The following NBEA variants were observed in gnomAD, a reference collection of about 807,000 sequenced individuals.
The protein encoded by NBEA is neurobeachin.
In NBEA, 44 loss-of-function variants were observed where a neutral mutation model predicts 343.4. The observed-to-expected ratio is 0.13, with a 90% CI of 0.10 to 0.16. The LOEUF (loss-of-function observed/expected upper bound fraction) is 0.16. Ranked by LOEUF, NBEA falls within the 10% of genes least tolerant of loss-of-function variation. The pLI, the probability that NBEA is intolerant of heterozygous loss-of-function variation, is 1.00. For synonymous variants in NBEA, 1,175 were observed against 1,238.7 expected (o/e 0.95, Z 1.08); for missense variants, 2,555 against 3,631.3 (o/e 0.70, Z 7.62).
At chr13:35,108,084 G>A (rs937800877) in intron 11 of NBEA, among the ~76,000 whole-genome samples, 1 of 152,010 alleles carries the variant, frequency 6.6e-6, no homozygotes, top group African/African-American at 2.4e-5. Flanking sequence ...AAATCATATG[G>A]GAGGTAAAAT....
At chr13:35,364,777 G>A (rs1325328354) in intron 38 of NBEA, among the ~76,000 whole-genome samples, 2 of 151,808 alleles carry the variant, frequency 1.3e-5, no homozygotes, top group Admixed American at 6.6e-5. Context: ...CTGTGAGGCT[G>A]ACAGATAATC....
chr13:35,237,879 T>C (rs1224380570), intron 34 of NBEA, among the ~76,000 whole-genome samples: 1 of 152,178 alleles, frequency 6.6e-6, no homozygotes, highest in East Asian at 1.9e-4. Flanking sequence ...GTCGGTGTCC[T>C]TTCATTTTCT....
chr13:35,355,049 A>C, intron 38 of NBEA, among the ~76,000 whole-genome samples: 1 of 152,064 alleles, frequency 6.6e-6, no homozygotes, highest in East Asian at 1.9e-4. Flanking sequence ...TCTGTCCTTG[A>C]CTACTGTTTA....
chr13:35,222,842 C>G (rs898683307), intron 33 of NBEA, among the ~76,000 whole-genome samples: 4 of 152,096 alleles, frequency 2.6e-5, no homozygotes, highest in Non-Finnish European at 4.4e-5. Flanking sequence ...AACGAAGAAA[C>G]AGTAGGCCGG....
intron 51 of NBEA, among the ~76,000 whole-genome samples, chr13:35,647,226 A>AT (rs1040505170): frequency 6.6e-6 from 1 of 152,096 alleles, no homozygotes. Flanking sequence ...TTTCTTTAGA[A>AT]TTTTTTTTAA....
At chr13:35,637,714 C>T (rs924713410) in intron 49 of NBEA, among the ~76,000 whole-genome samples, 21 of 151,490 alleles carry the variant, frequency 1.4e-4, no homozygotes, top group South Asian at 6.3e-4. Flanking sequence ...CCCAGCTACT[C>T]GGGAGGCTGA....
At chr13:35,352,358 A>G (rs764672815) in intron 38 of NBEA, 35 bp downstream of exon 38, 39 of 1,247,526 alleles carry the variant, frequency 3.1e-5, no homozygotes, top group East Asian at 2.8e-4. Flanking sequence ...ATAATAATTC[A>G]TAGGTTAATT....
intron 44 of NBEA, among the ~76,000 whole-genome samples, chr13:35,563,411 G>A (rs1027567719): frequency 6.6e-6 from 1 of 151,648 alleles, no homozygotes. Flanking sequence ...AAGGTGTTCA[G>A]TAAAATAATT....
rs1345636080 is a variant in NBEA at position 35,085,797 on chromosome 13, C to G, written c.1572-12500C>G. ...AGGAAAAGAGAAAGTCAAATTGTCC[C>G]TGTTTGCAGATGACATGATTGTATA... On this transcript the variant is annotated intron_variant, in intron 10 of 58. Coordinates refer to ENST00000379939, the MANE Select transcript of NBEA (RefSeq NM_001385012.1). Among the ~76,000 whole-genome samples the G allele has an allele frequency of 3.3e-5, 5 of 152,096 alleles. No homozygotes were observed. The East Asian group carries it at 9.7e-4, about 29-fold the overall frequency.
intron 34 of NBEA, among the ~76,000 whole-genome samples, chr13:35,272,740 A>G (rs1436959643): frequency 1.3e-5 from 2 of 152,178 alleles, no homozygotes; most frequent in African/African-American, 2.4e-5. Context: ...TAAACCAACA[A>G]AGATCAAAAG....
At chr13:35,102,415 A>G (rs2065689879) in intron 11 of NBEA, among the ~76,000 whole-genome samples, 1 of 151,224 alleles carries the variant, frequency 6.6e-6, no homozygotes, top group Non-Finnish European at 1.5e-5. Context: ...TTCCATTTCC[A>G]TATATATATA....
Position 35,655,688 on chromosome 13 carries a change from C to T in NBEA, c.8301C>T (p.Ala2767=), listed in dbSNP as rs1181892290. The T allele has an allele frequency of 6.2e-7, 1 of 1,613,788 alleles. No individual in the cohort carries two copies. Among genetic ancestry groups the T allele is most frequent in the East Asian group, 2.2e-5 (1 of 44,890 alleles). The change falls in exon 55 of 59, where the codon GCC becomes GCT. Residue 2767 remains alanine, a synonymous_variant. Coordinates refer to ENST00000379939, the MANE Select transcript of NBEA (RefSeq NM_001385012.1). The part of the protein sequence containing the change: ...DCYIVSGSRD[A]TLLLWYWSGR... ...ACATCGTGTCCGGATCTCGAGATGC[C>T]ACCCTGCTGCTCTGGTACTGGAGTG...
chr13:35,670,889 C>T lies in NBEA; in HGVS notation c.8814-12C>T. 1 of 1,571,496 alleles carries T rather than the reference C, an allele frequency of 6.4e-7. No homozygotes were observed. The highest frequency in any genetic ancestry group is 8.7e-7 in the Non-Finnish European group (1 of 1,151,776). ...TTTATATCACTCTTAACTGCTGTTT[C>T]TGCTTTTCCAGGACTCTGATCACTG... On this transcript the variant is annotated splice_polypyrimidine_tract_variant and intron_variant, in intron 58 of 58. Coordinates refer to ENST00000379939, the MANE Select transcript of NBEA (RefSeq NM_001385012.1).
At chr13:35,099,063 T>G (rs1052568306) in intron 11 of NBEA, among the ~76,000 whole-genome samples, 7 of 149,776 alleles carry the variant, frequency 4.7e-5, no homozygotes, top group African/African-American at 1.7e-4. Context: ...TCTCACTCTG[T>G]CTCCCACAGT....
chr13:35,293,570 G>A (rs1320144803), intron 35 of NBEA, among the ~76,000 whole-genome samples: 3 of 151,886 alleles, frequency 2.0e-5, no homozygotes, highest in Admixed American at 6.6e-5. Context: ...TATATCACAG[G>A]TCTGATACTA....
chr13:35,090,587 G>A (rs1226869303), intron 10 of NBEA, among the ~76,000 whole-genome samples: 2 of 151,836 alleles, frequency 1.3e-5, no homozygotes, highest in African/African-American at 4.8e-5. Flanking sequence ...GACTTTAACT[G>A]ATGTGATGCT....
At chr13:35,111,394 A>AT (rs552083481) in intron 13 of NBEA, among the ~76,000 whole-genome samples, 130 of 149,566 alleles carry the variant, frequency 8.7e-4, no homozygotes, top group African/African-American at 1.6e-3. Context: ...CTTCACTGTG[A>AT]TTTTTTTTTT....
rs113851226 is a variant in NBEA at position 35,053,852 on chromosome 13, A to G, written c.973-2158A>G. Among the ~76,000 whole-genome samples the G allele has an allele frequency of 6.4e-3, 968 of 152,258 alleles. 11 individuals are homozygous for G. Among genetic ancestry groups the G allele is most frequent in the African/African-American group, 0.022 (927 of 41,570 alleles). ...ACATTATCTATTTATAATATTCACAAGGAATCCACAAAGTAGGCATTATTA... is the reference window on the plus strand; with the variant it reads ...ACATTATCTATTTATAATATTCACAGGGAATCCACAAAGTAGGCATTATTA... On this transcript the variant is annotated intron_variant, in intron 6 of 58. Transcript: ENST00000379939.
intron 40 of NBEA, among the ~76,000 whole-genome samples, chr13:35,454,548 T>C (rs1246414458): frequency 6.6e-6 from 1 of 152,128 alleles, no homozygotes; most frequent in Non-Finnish European, 1.5e-5. Flanking sequence ...ATGTCACCCT[T>C]ACAGGAGACT....
Sources: gnomAD v4.1 joint callset for allele counts (sites outside exome capture counted in the v4.1 genomes callset) on GRCh38, gnomAD v4.1.1 for gene constraint, MANE v1.5 for transcripts, NCBI Gene and HGNC (gene_info 2026-07-23, HGNC 2026-07-21) for gene names.